PPP1R9A: variants seen among roughly 807,000 people sequenced by gnomAD.
PPP1R9A encodes neurabin-1.
In PPP1R9A, 59 loss-of-function variants were observed where a neutral mutation model predicts 141.9. The ratio of observed to expected loss-of-function variants is 0.42; its 90% confidence interval spans 0.34 to 0.52. PPP1R9A has a LOEUF of 0.52. PPP1R9A is among the 20% of genes least tolerant of loss of function. The pLI is 0.10. For synonymous variants in PPP1R9A, 500 were observed against 569.7 expected, an observed-to-expected ratio of 0.88 and a Z score of 1.74; for missense variants, 1,444 against 1,611.9, an observed-to-expected ratio of 0.90 and a Z score of 1.78.
At chr7:94,981,813 TTTTAA>T (rs1228608134) in intron 2 of PPP1R9A, among the ~76,000 whole-genome samples, 8 of 152,100 alleles carry the variant, frequency 5.3e-5, no homozygotes, top group African/African-American at 9.7e-5. Flanking sequence ...GAGTTTCTTT[TTTTAA>T]TTTAATTTAA....
intron 5 of PPP1R9A, among the ~76,000 whole-genome samples, chr7:95,186,934 G>T (rs1184143973): frequency 6.6e-6 from 1 of 151,952 alleles, no homozygotes; most frequent in Non-Finnish European, 1.5e-5. Context: ...GAGGATTTTT[G>T]CATCTATGTT....
chr7:95,264,813 G>C (rs1248332067), intron 12 of PPP1R9A, among the ~76,000 whole-genome samples: 1 of 152,196 alleles, frequency 6.6e-6, no homozygotes, highest in Non-Finnish European at 1.5e-5. Flanking sequence ...TAAGAAAGCA[G>C]AGGAGGAAAA....
intron 8 of PPP1R9A, among the ~76,000 whole-genome samples, chr7:95,240,518 C>T (rs1366633444): frequency 6.6e-6 from 1 of 150,970 alleles, no homozygotes; most frequent in African/African-American, 2.4e-5. Flanking sequence ...TTTGTCTTGT[C>T]ATATCAGTGA....
At chr7:95,137,511 C>A (rs993699733) in intron 4 of PPP1R9A, among the ~76,000 whole-genome samples, 1 of 147,776 alleles carries the variant, frequency 6.8e-6, no homozygotes, top group Non-Finnish European at 1.5e-5. Flanking sequence ...GGAAAAAAAT[C>A]AAGTCCTGTT....
chr7:95,011,477 G>A (rs753903706), intron 2 of PPP1R9A, among the ~76,000 whole-genome samples: 1 of 152,168 alleles, frequency 6.6e-6, no homozygotes, highest in South Asian at 2.1e-4. Context: ...CACTATATAT[G>A]TGGTCTTATC....
intron 7 of PPP1R9A, among the ~76,000 whole-genome samples, chr7:95,223,288 C>T (rs187417236): frequency 2.6e-5 from 4 of 152,058 alleles, no homozygotes; most frequent in East Asian, 1.9e-4. Flanking sequence ...CGCTTAACAA[C>T]GTATGTTTAT....
At chr7:95,192,790 C>T (rs1265394670) in intron 5 of PPP1R9A, among the ~76,000 whole-genome samples, 1 of 151,984 alleles carries the variant, frequency 6.6e-6, no homozygotes. Context: ...CATACCCATA[C>T]TCTGAATTCA....
At chr7:95,079,958 A>C (rs1434225966) in intron 2 of PPP1R9A, among the ~76,000 whole-genome samples, 1 of 152,204 alleles carries the variant, frequency 6.6e-6, no homozygotes, top group African/African-American at 2.4e-5. Flanking sequence ...AGAGCTATCT[A>C]TGACAAACCC....
chr7:95,147,320 G>T (rs952162272), intron 4 of PPP1R9A, among the ~76,000 whole-genome samples: 3 of 152,176 alleles, frequency 2.0e-5, no homozygotes, highest in African/African-American at 7.2e-5. Flanking sequence ...GTATAGGAAT[G>T]CTTGTGATTT....
chr7:95,106,347 A>C (rs1191601611), intron 2 of PPP1R9A, among the ~76,000 whole-genome samples: 1 of 152,212 alleles, frequency 6.6e-6, no homozygotes, highest in Non-Finnish European at 1.5e-5. Flanking sequence ...CTACATAGCT[A>C]GGGAATTTAG....
At chr7:95,176,681 A>C (rs368825455) in intron 5 of PPP1R9A, 80 of 152,294 alleles carry the variant, frequency 5.3e-4, no homozygotes, top group African/African-American at 1.7e-3. Context: ...AAAAAACCCC[A>C]AAACTTCACA....
At chr7:94,912,258 A>G (rs990570427) in intron 2 of PPP1R9A, among the ~76,000 whole-genome samples, 2 of 152,230 alleles carry the variant, frequency 1.3e-5, no homozygotes, top group African/African-American at 4.8e-5. Context: ...TCACTTAGTT[A>G]ACATTTGGTA....
At chr7:95,226,738 A>G (rs2152954598) in intron 8 of PPP1R9A, among the ~76,000 whole-genome samples, 1 of 152,248 alleles carries the variant, frequency 6.6e-6, no homozygotes, top group South Asian at 2.1e-4. Flanking sequence ...GATGCTTCCA[A>G]ACCCAGGCAA....
chr7:95,205,789 T>A (rs981736245), intron 7 of PPP1R9A, among the ~76,000 whole-genome samples: 1 of 152,176 alleles, frequency 6.6e-6, no homozygotes, highest in Non-Finnish European at 1.5e-5. Flanking sequence ...ACTGTGTGTA[T>A]CTCTTTCTGT....
intron 4 of PPP1R9A, among the ~76,000 whole-genome samples, chr7:95,124,451 G>A (rs1823192640): frequency 6.6e-6 from 1 of 151,936 alleles, no homozygotes; most frequent in African/African-American, 2.4e-5. Context: ...AGTGTTGAAT[G>A]GCTCTAGTGT....
At chr7:95,000,189 A>G (rs952188095) in intron 2 of PPP1R9A, among the ~76,000 whole-genome samples, 3 of 152,124 alleles carry the variant, frequency 2.0e-5, no homozygotes, top group Admixed American at 6.5e-5. Context: ...CATACCCATC[A>G]TTGTGTCCTA....
At chr7:94,945,916 G>T (rs1323166857) in intron 2 of PPP1R9A, among the ~76,000 whole-genome samples, 1 of 151,722 alleles carries the variant, frequency 6.6e-6, no homozygotes, top group Non-Finnish European at 1.5e-5. Flanking sequence ...TTCATTCTGG[G>T]AATGTTTCAT....
chr7:95,001,383 C>T (rs1036108034), intron 2 of PPP1R9A, among the ~76,000 whole-genome samples: 2 of 152,052 alleles, frequency 1.3e-5, no homozygotes, highest in Non-Finnish European at 2.9e-5. Flanking sequence ...TCTCTCATGT[C>T]GCATAACCAT....
rs1017626548 is a variant in PPP1R9A at position 95,251,618 on chromosome 7, T to C, written c.2397-144T>C. On this transcript the variant is annotated intron_variant, in intron 10 of 19. Coordinates refer to ENST00000433360, the MANE Select transcript of PPP1R9A (RefSeq NM_001166160.2). ...AAGATGTTTTAGTTTCTTTCATTAC[T>C]ATACTTTTTCCTCTAACTGATTGAA... 5 of 719,606 alleles carry C rather than the reference T, an allele frequency of 6.9e-6. No individual in the cohort carries two copies. The African/African-American group carries it at 7.1e-5, about 10-fold the overall frequency. 44.6% of individuals were successfully genotyped at this position (719,606 alleles called of 1,614,324 possible).
Sources: gnomAD v4.1 joint callset for allele counts (sites outside exome capture counted in the v4.1 genomes callset) on GRCh38, gnomAD v4.1.1 for gene constraint, MANE v1.5 for transcripts, NCBI Gene and HGNC (gene_info 2026-07-23, HGNC 2026-07-21) for gene names.